Variants in PHACTR3 observed in about 807,000 individuals in gnomAD.
PHACTR3 encodes the protein phosphatase and actin regulator 3.
Under a neutral mutation model 66.8 loss-of-function variants are expected in PHACTR3, and 16 were observed. That is an observed-to-expected ratio of 0.24 (90% CI 0.16 to 0.36). The LOEUF is 0.36. Ranked by LOEUF, PHACTR3 falls within the 10% of genes least tolerant of loss-of-function variation. The probability of loss-of-function intolerance (pLI) is 1.00; values close to 1 mark genes in which losing one functional copy is unlikely to be tolerated. For missense variants in PHACTR3, 647 were observed against 719.9 expected (o/e 0.90, Z 1.16); for synonymous variants, 323 against 292.1 (o/e 1.11, Z -1.08).
At chr20:59,651,944 C>T (rs780900793) in intron 1 of PHACTR3, among the ~76,000 whole-genome samples, 3 of 152,058 alleles carry the variant, frequency 2.0e-5, no homozygotes, top group South Asian at 4.2e-4. Context: ...GGAATTGACT[C>T]AAGTGATTAT....
exon 1 of PHACTR3, chr20:59,577,567 G>A (rs2032747559): frequency 8.3e-7 from 1 of 1,202,934 alleles, no homozygotes; most frequent in Non-Finnish European, 1.0e-6. Context: ...TCGCTGCTGG[G>A]CGCCTTCGGG....
rs139461469 is a variant in PHACTR3 at position 59,724,288 on chromosome 20, G to A, written c.119-18819G>A. Among the ~76,000 whole-genome samples the A allele has an allele frequency of 1.4e-4, 22 of 152,254 alleles. 1 individual carries two copies. Among genetic ancestry groups the A allele is most frequent in the Middle Eastern group, 3.4e-3 (1 of 294 alleles). The stretch of plus-strand genomic sequence containing the variant: ...GGAAATGATTTCTGAGGCCAAGACC[G>A]GAGTGGTCCCCAGGGACTCCATTTC... On this transcript the variant is annotated intron_variant, in intron 1 of 12. Transcript: ENST00000371015.
chr20:59,619,677 G>C (rs201010688), intron 1 of PHACTR3, among the ~76,000 whole-genome samples: 1 of 152,168 alleles, frequency 6.6e-6, no homozygotes, highest in African/African-American at 2.4e-5. Flanking sequence ...TAATAAGTGG[G>C]TGTTATTTGA....
intron 1 of PHACTR3, among the ~76,000 whole-genome samples, chr20:59,664,339 A>G (rs2035915646): frequency 1.3e-5 from 2 of 152,120 alleles, no homozygotes; most frequent in South Asian, 4.2e-4. Context: ...CCTTGCATCA[A>G]GCAGAATGGC....
At chr20:59,799,734 T>C (rs1228649672) in intron 7 of PHACTR3, among the ~76,000 whole-genome samples, 1 of 152,160 alleles carries the variant, frequency 6.6e-6, no homozygotes, top group East Asian at 1.9e-4. Context: ...CATAGTTTTG[T>C]CTCATGTTTT....
chr20:59,728,348 C>A (rs2146708903), intron 1 of PHACTR3, among the ~76,000 whole-genome samples: 1 of 152,148 alleles, frequency 6.6e-6, no homozygotes, highest in South Asian at 2.1e-4. Flanking sequence ...TTGGGTGGTT[C>A]TTGGAAATGT....
In PHACTR3 at chr20:59,818,772, C is replaced by T. The variant is rs145509185; in HGVS notation, c.1328+12578C>T. Among the ~76,000 whole-genome samples, 537 of 152,324 alleles carry T rather than the reference C, an allele frequency of 3.5e-3. 5 individuals are homozygous for T. The highest frequency in any genetic ancestry group is 0.012 in the African/African-American group (484 of 41,580). The stretch of plus-strand genomic sequence containing the variant: ...TTCTTCAGATCCTTTTCTTCTGCTT[C>T]GGCATCTTTTCATTGTCATCATTTT... On this transcript the variant is annotated intron_variant, in intron 8 of 12. Coordinates refer to ENST00000371015, the MANE Select transcript of PHACTR3 (RefSeq NM_080672.5).
chr20:59,619,809 G>T lies in PHACTR3; in HGVS notation c.118+14677G>T, dbSNP rs371362000. On this transcript the variant is annotated intron_variant, in intron 1 of 12. Transcript: ENST00000371015. ...TCAGAGAGGTGAAGGGATCGTCCTG[G>T]TCACCTGGCTACCCTGGCGGAGCTG... Among the ~76,000 whole-genome samples, 28 of 152,306 alleles carry T rather than the reference G, an allele frequency of 1.8e-4. 1 individual carries two copies. The highest frequency in any genetic ancestry group is 6.5e-4 in the African/African-American group (27 of 41,556).
At chr20:59,585,472 G>A (rs532691674) in intron 1 of PHACTR3, among the ~76,000 whole-genome samples, 1 of 152,308 alleles carries the variant, frequency 6.6e-6, no homozygotes, top group East Asian at 1.9e-4. Context: ...AGCTACAGCC[G>A]AGTCCTGTGA....
rs931328193 is a variant in PHACTR3 at position 59,660,355 on chromosome 20, A to G, written c.118+55223A>G. Reference sequence around the variant, plus strand: ...TAAAAATACAAAAAATTAGCCGGGCATGGTGGCGGATGCCTGTAGTCCCAG... The same window carrying G: ...TAAAAATACAAAAAATTAGCCGGGCGTGGTGGCGGATGCCTGTAGTCCCAG... On this transcript the variant is annotated intron_variant, in intron 1 of 12. Transcript: ENST00000371015. Among the ~76,000 whole-genome samples the G allele has an allele frequency of 5.9e-5, 9 of 152,192 alleles. No individual in the cohort carries two copies. In the South Asian group the frequency reaches 6.2e-4, roughly 11 times the overall value.
chr20:59,845,061 G>GT (rs1246202566), intron 11 of PHACTR3, 128 bp from the exon 12 acceptor site: 4 of 573,172 alleles, frequency 7.0e-6, no homozygotes, highest in Non-Finnish European at 1.2e-5. Context: ...CCAAAAAATT[G>GT]TTTGTTTTTT....
At chr20:59,620,248 C>A (rs183480804) in intron 1 of PHACTR3, among the ~76,000 whole-genome samples, 1 of 152,336 alleles carries the variant, frequency 6.6e-6, no homozygotes, top group African/African-American at 2.4e-5. Context: ...ATAACTCCTG[C>A]GTACCTTTCA....
chr20:59,846,882 A>G (rs1165022752), intron 12 of PHACTR3, among the ~76,000 whole-genome samples: 2 of 152,180 alleles, frequency 1.3e-5, no homozygotes, highest in Non-Finnish European at 2.9e-5. Flanking sequence ...TCACAGGTTT[A>G]AAACTAAGTT....
intron 1 of PHACTR3, among the ~76,000 whole-genome samples, chr20:59,684,371 G>A (rs1194075105): frequency 6.6e-6 from 1 of 152,178 alleles, no homozygotes; most frequent in Non-Finnish European, 1.5e-5. Context: ...TGCTCACGGT[G>A]TGTTTCAGCT....
At chr20:59,640,901 G>A (rs1426676301) in intron 1 of PHACTR3, among the ~76,000 whole-genome samples, 1 of 152,138 alleles carries the variant, frequency 6.6e-6, no homozygotes, top group Non-Finnish European at 1.5e-5. Flanking sequence ...AAATGAAGCA[G>A]TAGAGTAGGG....
At chr20:59,753,287 A>G (rs553169257) in intron 3 of PHACTR3, among the ~76,000 whole-genome samples, 14 of 152,332 alleles carry the variant, frequency 9.2e-5, no homozygotes, top group Admixed American at 2.6e-4. Flanking sequence ...ACGCGGCTGC[A>G]TGGATGAGAT....
chr20:59,815,300 C>T (rs60521191), intron 8 of PHACTR3, among the ~76,000 whole-genome samples: 10,498 of 152,026 alleles, frequency 0.069, 595 homozygotes, highest in East Asian at 0.23. Context: ...AATGCAGAGA[C>T]GAACAAGGAA....
intron 7 of PHACTR3, among the ~76,000 whole-genome samples, chr20:59,780,957 C>G (rs536394370): frequency 6.6e-6 from 1 of 152,300 alleles, no homozygotes; most frequent in South Asian, 2.1e-4. Context: ...CACTGTCACC[C>G]TCATCATCAC....
At chr20:59,784,436 G>T (rs2040837471) in intron 7 of PHACTR3, among the ~76,000 whole-genome samples, 1 of 152,098 alleles carries the variant, frequency 6.6e-6, no homozygotes, top group Admixed American at 6.5e-5. Context: ...GGAGAGCCCT[G>T]ACCCAAACAC....
Sources: allele counts gnomAD v4.1 joint callset (sites outside exome capture counted in the v4.1 genomes callset), GRCh38; gene constraint gnomAD v4.1.1; transcripts MANE v1.5; gene names NCBI Gene and HGNC (gene_info 2026-07-23, HGNC 2026-07-21).